Variants in SNX25 observed in about 807,000 individuals in gnomAD.
SNX25 encodes sorting nexin 25.
SNX25 carries 62 observed loss-of-function variants against 113.7 expected under a neutral mutation model. That is an observed-to-expected ratio of 0.55 (90% CI 0.44 to 0.67). SNX25 has a LOEUF of 0.67. Ranked by LOEUF, SNX25 falls within the 30% of genes least tolerant of loss-of-function variation. The probability of loss-of-function intolerance (pLI) is 0.00; values close to 1 mark genes in which losing one functional copy is unlikely to be tolerated. For synonymous variants in SNX25, 421 were observed against 436.2 expected (o/e 0.97, Z 0.43); for missense variants, 1,014 against 1,161.0 (o/e 0.87, Z 1.84).
intron 16 of SNX25, among the ~76,000 whole-genome samples, chr4:185,359,939 C>T (rs772850287): frequency 1.6e-4 from 24 of 152,266 alleles, no homozygotes; most frequent in African/African-American, 5.5e-4. Context: ...GCGATCATGG[C>T]GCACATGGTT....
chr4:185,376,919 T>C, the SNX25 span: 1 of 1,610,414 alleles, frequency 6.2e-7, no homozygotes, highest in Non-Finnish European at 8.5e-7. Flanking sequence ...CTCTTCAAAA[T>C]ATAGTTGACC....
At chr4:185,371,286 T>A (rs7685497), downstream of SNX25, among the ~76,000 whole-genome samples, 7,021 of 152,138 alleles carry the variant, frequency 0.046, 191 homozygotes, top group African/African-American at 0.066. Context: ...ACGCCTGTAA[T>A]CCCAGCACTT....
rs557942314 is a variant in SNX25 at position 185,314,538 on chromosome 4, G to A, written c.1344+3722G>A. Among the ~76,000 whole-genome samples the A allele has an allele frequency of 1.4e-3, 212 of 152,146 alleles. 1 individual carries two copies. The highest frequency in any genetic ancestry group is 2.5e-3 in the Non-Finnish European group (170 of 67,988). ...TTAAATGGAAGAGACAAATTCCCTG[G>A]AAGACACAAATTACCAAAACTGATT... On this transcript the variant is annotated intron_variant, in intron 7 of 18. Coordinates refer to ENST00000652585, the MANE Select transcript of SNX25 (RefSeq NM_001378034.2).
chr4:185,295,407 A>G lies in SNX25; in HGVS notation c.1162+7325A>G, dbSNP rs966685845. On this transcript the variant is annotated intron_variant, in intron 6 of 18. Coordinates refer to ENST00000652585, the MANE Select transcript of SNX25 (RefSeq NM_001378034.2). Reference sequence around the variant, plus strand: ...AATGTAGTATACATTAATACACACAATATAAATATAGTTTTGTTCCATATA... The same window carrying G: ...AATGTAGTATACATTAATACACACAGTATAAATATAGTTTTGTTCCATATA... Among the ~76,000 whole-genome samples, 4 of 152,162 alleles carry G rather than the reference A, an allele frequency of 2.6e-5. No individual in the cohort carries two copies. The South Asian group carries it at 8.3e-4, about 32-fold the overall frequency.
intron 5 of SNX25, among the ~76,000 whole-genome samples, chr4:185,270,596 G>A (rs1432306746): frequency 6.6e-6 from 1 of 150,814 alleles, no homozygotes; most frequent in African/African-American, 2.4e-5. Flanking sequence ...AGTGTATTCA[G>A]AGACTCTGAT....
intron 6 of SNX25, among the ~76,000 whole-genome samples, chr4:185,302,667 C>G (rs1464332458): frequency 6.6e-6 from 1 of 152,240 alleles, no homozygotes; most frequent in Non-Finnish European, 1.5e-5. Context: ...GACGCCGACT[C>G]TGCCAGCACC....
At chr4:185,286,321 G>C (rs1405707568) in intron 5 of SNX25, among the ~76,000 whole-genome samples, 1 of 151,956 alleles carries the variant, frequency 6.6e-6, no homozygotes, top group Non-Finnish European at 1.5e-5. Context: ...TCACTATACT[G>C]CCTAGGCTCT....
At chr4:185,373,386 A>C (rs1402349988), downstream of SNX25, among the ~76,000 whole-genome samples, 1 of 152,116 alleles carries the variant, frequency 6.6e-6, no homozygotes, top group Non-Finnish European at 1.5e-5. Flanking sequence ...GAAGATGCCA[A>C]ATAGGAACTC....
chr4:185,265,980 T>C (rs975601822), intron 4 of SNX25, among the ~76,000 whole-genome samples: 3 of 152,220 alleles, frequency 2.0e-5, no homozygotes, highest in Admixed American at 6.5e-5. Flanking sequence ...CACAATATAA[T>C]GTGATTACTA....
chr4:185,373,044 C>T (rs3797026), downstream of SNX25: 312,962 of 1,610,114 alleles, frequency 0.19, 31,753 homozygotes, highest in African/African-American at 0.29. Flanking sequence ...ACTCCAGATT[C>T]CCATTGCCAC....
chr4:185,241,251 G>A (rs1282792206), intron 1 of SNX25, among the ~76,000 whole-genome samples: 8 of 152,138 alleles, frequency 5.3e-5, no homozygotes, highest in Non-Finnish European at 1.0e-4. Flanking sequence ...CGAGGCTGGC[G>A]GATCACTCGC....
chr4:185,370,735 C>T (rs770851474), downstream of SNX25: 32 of 1,613,968 alleles, frequency 2.0e-5, no homozygotes, highest in Non-Finnish European at 2.6e-5. Context: ...ATTGCCATGC[C>T]TCTGCCGATG....
chr4:185,309,578 G>A (rs898569098), intron 6 of SNX25, among the ~76,000 whole-genome samples: 1 of 152,086 alleles, frequency 6.6e-6, no homozygotes, highest in Non-Finnish European at 1.5e-5. Context: ...TGGAAACCTA[G>A]GAGCCATATT....
intron 2 of SNX25, among the ~76,000 whole-genome samples, chr4:185,251,774 C>T (rs1385820842): frequency 6.6e-6 from 1 of 151,624 alleles, no homozygotes; most frequent in African/African-American, 2.4e-5. Context: ...TGTACTTAGA[C>T]GTGACCTTTA....
intron 1 of SNX25, among the ~76,000 whole-genome samples, chr4:185,227,543 C>G (rs953510306): frequency 7.2e-5 from 11 of 152,202 alleles, no homozygotes; most frequent in Admixed American, 2.0e-4. Flanking sequence ...GCTCAATTGC[C>G]CTTCCATCCA....
intron 1 of SNX25, among the ~76,000 whole-genome samples, chr4:185,235,591 G>A (rs890316779): frequency 3.9e-5 from 6 of 152,164 alleles, no homozygotes; most frequent in Non-Finnish European, 7.3e-5. Context: ...CTTCTCAGCC[G>A]ATAGAAGACT....
At chr4:185,354,801 C>T (rs971941305) in intron 15 of SNX25, among the ~76,000 whole-genome samples, 1 of 152,248 alleles carries the variant, frequency 6.6e-6, no homozygotes, top group Non-Finnish European at 1.5e-5. Flanking sequence ...CACCAGTAGA[C>T]TTTGTCATAC....
intron 16 of SNX25, among the ~76,000 whole-genome samples, chr4:185,361,414 C>T (rs985869835): frequency 2.0e-5 from 3 of 152,162 alleles, no homozygotes; most frequent in Admixed American, 6.5e-5. Flanking sequence ...AAATTATCTC[C>T]AGGAATAACT....
In SNX25 at chr4:185,288,045, T is replaced by A. The variant is rs572760430; in HGVS notation, c.1125T>A (p.Thr375=). 1 of 1,613,514 alleles carries A rather than the reference T, an allele frequency of 6.2e-7. No homozygotes were observed. The highest frequency in any genetic ancestry group is 8.5e-7 in the Non-Finnish European group (1 of 1,179,790). Residue 375 remains threonine (T), a synonymous_variant, in exon 6 of 19, where the codon ACT becomes ACA. Transcript: ENST00000652585. Reference sequence around the variant, plus strand: ...TTGTAGTGGAAATAATCCAGGCGACTACAATTAGCAGCTTTCCCCAACTGA... The same window carrying A: ...TTGTAGTGGAAATAATCCAGGCGACAACAATTAGCAGCTTTCCCCAACTGA... ...YQIVVEIIQA[T]TISSFPQLKR... is the part of the protein sequence containing the mutation.
Sources: allele counts gnomAD v4.1 joint callset (sites outside exome capture counted in the v4.1 genomes callset), GRCh38; gene constraint gnomAD v4.1.1; transcripts MANE v1.5; gene names NCBI Gene and HGNC (gene_info 2026-07-23, HGNC 2026-07-21).